Variants in AHCTF1 observed in about 807,000 individuals in gnomAD.
The protein encoded by AHCTF1 is AT-hook containing transcription factor 1.
In AHCTF1, 24 loss-of-function variants were observed where a neutral mutation model predicts 248.4. That is an observed-to-expected ratio of 0.10 (90% CI 0.07 to 0.14). AHCTF1 has a LOEUF of 0.14. Among genes scored for constraint, AHCTF1 ranks in the 10% least tolerant of loss-of-function variants. AHCTF1 has a pLI of 1.00. For synonymous variants in AHCTF1, 786 were observed against 929.8 expected (o/e 0.85, Z 2.81); for missense variants, 2,206 against 2,636.2 (o/e 0.84, Z 3.57).
intron 33 of AHCTF1, 60 bp downstream of exon 33, chr1:246,849,555 C>A: frequency 6.6e-7 from 1 of 1,520,842 alleles, no homozygotes; most frequent in Non-Finnish European, 8.8e-7. Context: ...GACAAATAAC[C>A]AAATTTTAAG....
At chr1:246,871,207 T>C (rs967031864) in intron 24 of AHCTF1, among the ~76,000 whole-genome samples, 5 of 152,150 alleles carry the variant, frequency 3.3e-5, no homozygotes, top group African/African-American at 4.8e-5. Context: ...ACTTGCCTAT[T>C]AGTGAGAAAA....
intron 26 of AHCTF1, among the ~76,000 whole-genome samples, chr1:246,866,359 T>C (rs1661977450): frequency 6.6e-6 from 1 of 152,168 alleles, no homozygotes; most frequent in African/African-American, 2.4e-5. Flanking sequence ...AAAAAAAGAA[T>C]GTCGGTAATA....
At chr1:246,927,569 AGTACT>A (rs149818118) in intron 1 of AHCTF1, among the ~76,000 whole-genome samples, 3 of 152,394 alleles carry the variant, frequency 2.0e-5, no homozygotes, top group African/African-American at 7.2e-5. Context: ...ACCTACGTTC[AGTACT>A]GTACAAAATT....
At chr1:246,893,608 T>C (rs1664366164) in intron 14 of AHCTF1, among the ~76,000 whole-genome samples, 1 of 152,200 alleles carries the variant, frequency 6.6e-6, no homozygotes, top group African/African-American at 2.4e-5. Flanking sequence ...AACAGATTAA[T>C]AAAACTGTCA....
intron 24 of AHCTF1, among the ~76,000 whole-genome samples, chr1:246,874,102 A>G (rs761501192): frequency 1.5e-4 from 23 of 152,162 alleles, no homozygotes; most frequent in South Asian, 1.4e-3. Flanking sequence ...GTATTTTATA[A>G]TCTTTTTTAA....
intron 27 of AHCTF1, 93 bp downstream of exon 27, chr1:246,863,831 G>A (rs535405472): frequency 2.2e-5 from 27 of 1,249,704 alleles, no homozygotes; most frequent in Admixed American, 1.2e-4. Flanking sequence ...CTCCCCAAGC[G>A]TATCAGTTAT....
rs1270911553 is a variant in AHCTF1, at chr1:246,902,649, G to A, written c.993C>T (p.Tyr331=). 1.2e-6 allele frequency: 2 copies of A among 1,612,036 alleles called. No homozygotes were observed. The highest frequency in any genetic ancestry group is 3.3e-5 in the Admixed American group (2 of 59,826). Residue 331 remains tyrosine, a synonymous_variant, in exon 8 of 36, where the codon TAC becomes TAT. Transcript: ENST00000648844. ...ACATGCCACCTGTCAGGTCCAGGGT[G>A]TATCTTTCTTCACAGTATTCTAACC... ...YEGLEYCEER[Y]TLDLTGGMFP...
chr1:246,911,611 G>A (rs1288045838), intron 4 of AHCTF1, among the ~76,000 whole-genome samples: 2 of 150,416 alleles, frequency 1.3e-5, no homozygotes, highest in South Asian at 2.1e-4. Flanking sequence ...AGCCTCCTGA[G>A]TAGCTGGGAT....
At chr1:246,855,554 GAC>G (rs1324295675) in intron 31 of AHCTF1, among the ~76,000 whole-genome samples, 174 bp downstream of exon 31, 1 of 152,108 alleles carries the variant, frequency 6.6e-6, no homozygotes, top group Non-Finnish European at 1.5e-5. Context: ...CCCACTGTCT[GAC>G]AGCTTATATA....
intron 1 of AHCTF1, among the ~76,000 whole-genome samples, chr1:246,927,303 T>C (rs1202551324): frequency 6.6e-6 from 1 of 151,778 alleles, no homozygotes; most frequent in Non-Finnish European, 1.5e-5. Context: ...CTGGCCAACA[T>C]GGTGAAACCC....
intron 32 of AHCTF1, 138 bp downstream of exon 32, chr1:246,852,953 T>C: frequency 7.8e-6 from 5 of 641,082 alleles, no homozygotes; most frequent in East Asian, 2.9e-5. Flanking sequence ...CACTTATTTT[T>C]TGAACCCATA....
Position 246,898,298 on chromosome 1 carries a change from A to C in AHCTF1, c.1533T>G (p.Asn511Lys), listed in dbSNP as rs780802911. Residue 511 changes from asparagine (N) to lysine (K), a missense_variant, in exon 12 of 36, where the codon AAT becomes AAG. Around this residue, in one of 6 missense-constraint regions of AHCTF1, gnomAD observed 650 missense variants for 870.8 expected, o/e 0.75. Coordinates refer to ENST00000648844, the MANE Select transcript of AHCTF1 (RefSeq NM_001323342.2). ...GATTATAACCATCAGGAATGAGTTCATTGAGTGATGGACCTGATTTCTTTA... is the reference window on the plus strand; with the variant it reads ...GATTATAACCATCAGGAATGAGTTCCTTGAGTGATGGACCTGATTTCTTTA... ...TFLKKSGPSL[N>K]ELIPDGYNRC... 2 of 1,613,376 alleles carry C rather than the reference A, an allele frequency of 1.2e-6. No homozygotes were observed. The highest frequency in any genetic ancestry group is 1.1e-5 in the South Asian group (1 of 91,062).
intron 35 of AHCTF1, 87 bp downstream of exon 35, chr1:246,842,607 A>T: frequency 1.0e-6 from 1 of 1,001,538 alleles, no homozygotes; most frequent in Non-Finnish European, 1.4e-6. Context: ...AAATAAAATA[A>T]AATAATAAAA....
At chr1:246,880,931 G>A (rs1663355183) in intron 21 of AHCTF1, among the ~76,000 whole-genome samples, 1 of 152,178 alleles carries the variant, frequency 6.6e-6, no homozygotes, top group Non-Finnish European at 1.5e-5. Context: ...AAAAGACATA[G>A]AAGTCATTTT....
intron 21 of AHCTF1, among the ~76,000 whole-genome samples, chr1:246,878,092 T>A (rs1572405106): frequency 6.6e-6 from 1 of 151,858 alleles, no homozygotes; most frequent in African/African-American, 2.4e-5. Flanking sequence ...TTGCAAAAGA[T>A]TAAGTATAAG....
intron 21 of AHCTF1, among the ~76,000 whole-genome samples, chr1:246,880,508 G>C (rs925618483): frequency 7.4e-5 from 11 of 148,670 alleles, no homozygotes; most frequent in Admixed American, 2.0e-4. Flanking sequence ...AGGTTACAGT[G>C]AGCCGAGATC....
At chr1:246,925,000 A>G (rs1264220696) in intron 1 of AHCTF1, among the ~76,000 whole-genome samples, 1 of 152,178 alleles carries the variant, frequency 6.6e-6, no homozygotes, top group Non-Finnish European at 1.5e-5. Context: ...TTAGTACCAA[A>G]AAAATTTTTA....
intron 35 of AHCTF1, among the ~76,000 whole-genome samples, chr1:246,842,085 G>A (rs533919454): frequency 3.5e-4 from 53 of 149,780 alleles, no homozygotes; most frequent in Non-Finnish European, 5.2e-4. Flanking sequence ...GAGCCACCAC[G>A]CCCGACCTCC....
intron 19 of AHCTF1, 136 bp from the exon 20 acceptor site, chr1:246,887,493 T>C (rs1308815714): frequency 2.3e-6 from 2 of 853,542 alleles, no homozygotes. Flanking sequence ...AAAGCCATCA[T>C]GGAGAGTCAG....
Sources: allele counts gnomAD v4.1 joint callset (sites outside exome capture counted in the v4.1 genomes callset), GRCh38; gene constraint gnomAD v4.1.1; regional missense constraint gnomAD v4.1.1; transcripts MANE v1.5; gene names NCBI Gene and HGNC (gene_info 2026-07-23, HGNC 2026-07-21).